The following FER1L6 variants were observed in gnomAD, a reference collection of about 807,000 sequenced individuals.
FER1L6 encodes the protein fer-1-like protein 6.
FER1L6 carries 177 observed loss-of-function variants against 219.2 expected under a neutral mutation model. The observed-to-expected ratio is 0.81, with a 90% CI of 0.71 to 0.91. The LOEUF (loss-of-function observed/expected upper bound fraction) is 0.91, where lower values mean the gene tolerates loss of function less well. Ranked by LOEUF, FER1L6 falls within the 40% of genes least tolerant of loss-of-function variation. The pLI, the probability that FER1L6 is intolerant of heterozygous loss-of-function variation, is 0.00. For synonymous variants in FER1L6, 768 were observed against 824.3 expected, an observed-to-expected ratio of 0.93 and a Z score of 1.17; for missense variants, 2,153 against 2,259.9, an observed-to-expected ratio of 0.95 and a Z score of 0.96.
chr8:123,988,406 G>T (rs1185418569), intron 12 of FER1L6, among the ~76,000 whole-genome samples: 9 of 152,196 alleles, frequency 5.9e-5, no homozygotes, highest in Non-Finnish European at 1.5e-5. Flanking sequence ...TCTGTAGATT[G>T]CTTTGGGTAG....
rs1312538468 is a variant in FER1L6 at position 123,976,092 on chromosome 8, A to G, written c.870+8A>G. ...TCCTTTGCTGGGCAGATGGTGAGGAACCATTGTCACTAACACTGCCTGCTA... is the reference window on the plus strand; with the variant it reads ...TCCTTTGCTGGGCAGATGGTGAGGAGCCATTGTCACTAACACTGCCTGCTA... On this transcript the variant is annotated splice_region_variant and intron_variant, in intron 9 of 40. Coordinates refer to ENST00000522917, the MANE Select transcript of FER1L6 (RefSeq NM_001039112.2). 1.2e-6 allele frequency: 2 copies of G among 1,602,952 alleles called. No individual in the cohort carries two copies. The highest frequency in any genetic ancestry group is 1.7e-6 in the Non-Finnish European group (2 of 1,173,178).
intron 12 of FER1L6, 31 bp downstream of exon 12, chr8:123,986,207 A>T (rs764841554): frequency 7.8e-7 from 1 of 1,280,622 alleles, no homozygotes; most frequent in Non-Finnish European, 1.1e-6. Context: ...TGCCAGGCAC[A>T]TAGCATGGAT....
At chr8:123,973,748 C>T (rs1369759249) in intron 7 of FER1L6, among the ~76,000 whole-genome samples, 3 of 151,940 alleles carry the variant, frequency 2.0e-5, no homozygotes, top group African/African-American at 7.3e-5. Flanking sequence ...TCTGTCCAGT[C>T]GAGATATGGA....
chr8:124,114,648 T>A (rs1402367227), intron 39 of FER1L6, among the ~76,000 whole-genome samples: 3 of 151,986 alleles, frequency 2.0e-5, no homozygotes, highest in Non-Finnish European at 4.4e-5. Context: ...CATAAGACTT[T>A]TTCTGAGTTT....
At chr8:124,010,840 T>G in intron 14 of FER1L6, 126 bp downstream of exon 14, 1 of 1,322,822 alleles carries the variant, frequency 7.6e-7, no homozygotes, top group Non-Finnish European at 1.0e-6. Context: ...GATGCTGCAT[T>G]TGGAGGGCAC....
chr8:123,858,998 CATTT>C (rs1003599717), intron 1 of FER1L6, among the ~76,000 whole-genome samples: 6 of 132,138 alleles, frequency 4.5e-5, no homozygotes, highest in East Asian at 4.9e-4. Flanking sequence ...GTTATTTATT[CATTT>C]ATTCATTTTT....
chr8:123,999,277 A>G (rs1817294061), intron 12 of FER1L6, among the ~76,000 whole-genome samples: 1 of 152,196 alleles, frequency 6.6e-6, no homozygotes, highest in South Asian at 2.1e-4. Context: ...TAGTCTGCAG[A>G]TGATTAATTC....
intron 1 of FER1L6, among the ~76,000 whole-genome samples, chr8:123,945,113 A>G (rs907785939): frequency 2.0e-5 from 3 of 152,188 alleles, no homozygotes; most frequent in African/African-American, 7.2e-5. Flanking sequence ...GTGTTCCCTG[A>G]GTTCAAGGCC....
At position 123,888,083 on chromosome 8, in the gene FER1L6, CTT is replaced by C. The variant is rs551217376; in HGVS notation, c.-8+35899_-8+35900del. 2.5e-3 allele frequency among the ~76,000 whole-genome samples: 375 copies of C among 151,452 alleles called. 3 individuals carry two copies. The highest frequency in any genetic ancestry group is 8.8e-3 in the African/African-American group (363 of 41,270). Reference sequence around the variant, plus strand: ...ATTGTGTGTGTATGTTTGATACAGTCTTGGGAAATTCTAATTCAGTAAACTGA... The same window carrying C: ...ATTGTGTGTGTATGTTTGATACAGTCGGGAAATTCTAATTCAGTAAACTGA... On this transcript the variant is annotated intron_variant, in intron 1 of 40. Transcript: ENST00000522917.
At chr8:124,032,339 T>C (rs1482326257) in intron 18 of FER1L6, among the ~76,000 whole-genome samples, 2 of 151,908 alleles carry the variant, frequency 1.3e-5, no homozygotes, top group Non-Finnish European at 2.9e-5. Context: ...GCATGAGAAT[T>C]ACTTGAACCC....
chr8:123,895,357 G>A (rs758588359), intron 1 of FER1L6, among the ~76,000 whole-genome samples: 3 of 152,154 alleles, frequency 2.0e-5, no homozygotes, highest in Non-Finnish European at 2.9e-5. Flanking sequence ...GACATCATGG[G>A]TACACTTGGA....
At chr8:124,045,727 A>G (rs751537869) in intron 20 of FER1L6, 40 bp from the exon 21 acceptor site, 17 of 1,611,656 alleles carry the variant, frequency 1.1e-5, no homozygotes, top group African/African-American at 1.3e-5. Flanking sequence ...CTATAACTCA[A>G]TTGAATGATC....
chr8:123,990,560 C>G (rs986216982), intron 12 of FER1L6, among the ~76,000 whole-genome samples: 1 of 152,154 alleles, frequency 6.6e-6, no homozygotes, highest in African/African-American at 2.4e-5. Flanking sequence ...CATTTGCCAA[C>G]TTTTTGATGA....
intron 39 of FER1L6, among the ~76,000 whole-genome samples, chr8:124,114,519 T>A (rs1467226066): frequency 6.6e-6 from 1 of 152,018 alleles, no homozygotes; most frequent in Admixed American, 6.6e-5. Context: ...ATCAGGGATT[T>A]TTGGGGAAAT....
At chr8:124,013,314 C>A in intron 14 of FER1L6, 117 bp from the exon 15 acceptor site, 1 of 554,528 alleles carries the variant, frequency 1.8e-6, no homozygotes, top group African/African-American at 2.0e-5. Flanking sequence ...ATAAATCCTC[C>A]TTCATTGCCA....
At chr8:123,884,878 C>A (rs1201056959) in intron 1 of FER1L6, among the ~76,000 whole-genome samples, 1 of 152,084 alleles carries the variant, frequency 6.6e-6, no homozygotes, top group Non-Finnish European at 1.5e-5. Flanking sequence ...TTGTGACCAC[C>A]CAGAGCCTCA....
At chr8:124,086,062 C>T (rs1439297821) in intron 33 of FER1L6, among the ~76,000 whole-genome samples, 1 of 151,916 alleles carries the variant, frequency 6.6e-6, no homozygotes, top group Admixed American at 6.6e-5. Context: ...CATGTTAGAT[C>T]TTTTTTAATC....
At chr8:123,973,538 G>C (rs1231754059) in intron 7 of FER1L6, 26 bp downstream of exon 7, 1 of 1,569,426 alleles carries the variant, frequency 6.4e-7, no homozygotes, top group Non-Finnish European at 8.8e-7. Context: ...CTCCCCATCT[G>C]TATCTCACTT....
At chr8:123,966,103 C>T (rs761460802) in intron 4 of FER1L6, 42 bp downstream of exon 4, 1 of 1,613,682 alleles carries the variant, frequency 6.2e-7, no homozygotes. Context: ...CCCAGTGCTT[C>T]CTGTGTGCAT....
Sources: gnomAD v4.1 joint callset for allele counts (sites outside exome capture counted in the v4.1 genomes callset) on GRCh38, gnomAD v4.1.1 for gene constraint, MANE v1.5 for transcripts, NCBI Gene and HGNC (gene_info 2026-07-23, HGNC 2026-07-21) for gene names.